The following EYS variants were observed in gnomAD, a reference collection of about 807,000 sequenced individuals.
EYS encodes protein eyes shut homolog.
Under a neutral mutation model 282.1 loss-of-function variants are expected in EYS, and 250 were observed. That is an observed-to-expected ratio of 0.89 (90% confidence interval 0.80 to 0.98). The LOEUF is 0.98. Among genes scored for constraint, EYS ranks in the 50% least tolerant of loss-of-function variants. The pLI, the probability that EYS is intolerant of heterozygous loss-of-function variation, is 0.00. For missense variants in EYS, 4,016 were observed against 3,709.0 expected (o/e 1.08, Z -2.15); for synonymous variants, 1,355 against 1,282.9 (o/e 1.06, Z -1.20).
chr6:64,084,465 A>T (rs1772080012), intron 31 of EYS, among the ~76,000 whole-genome samples: 1 of 152,212 alleles, frequency 6.6e-6, no homozygotes, highest in African/African-American at 2.4e-5. Flanking sequence ...GTGAGAGAGA[A>T]CACAGGCTGT....
At chr6:64,389,795 C>T (rs968947579) in intron 28 of EYS, among the ~76,000 whole-genome samples, 2 of 152,144 alleles carry the variant, frequency 1.3e-5, no homozygotes, top group Non-Finnish European at 2.9e-5. Context: ...GGAACAGCTC[C>T]GGTCTACAGC....
In EYS at chr6:64,628,111, C is replaced by CAAAG. The variant is rs796460171; in HGVS notation, c.3444-1870_3444-1867dup. Among the ~76,000 whole-genome samples the CAAAG allele has an allele frequency of 2.5e-3, 382 of 151,432 alleles. 3 individuals carry two copies. The highest frequency in any genetic ancestry group is 0.015 in the South Asian group (71 of 4,784). On this transcript the variant is annotated intron_variant, in intron 22 of 42. Transcript: ENST00000503581. The stretch of plus-strand genomic sequence containing the variant: ...AAAAACAAACAAACAAACAAACAAA[C>CAAAG]AAAGACTTGTTTTAACTGTGTGTGG...
chr6:64,743,914 G>A (rs1262248453), intron 22 of EYS, among the ~76,000 whole-genome samples: 2 of 152,024 alleles, frequency 1.3e-5, no homozygotes, highest in African/African-American at 4.8e-5. Flanking sequence ...AAACTTTAGT[G>A]ATTGTTACAT....
At chr6:64,960,474 T>A (rs567346663) in intron 14 of EYS, among the ~76,000 whole-genome samples, 121 of 151,872 alleles carry the variant, frequency 8.0e-4, no homozygotes, top group African/African-American at 2.8e-3. Flanking sequence ...TATAACTTTG[T>A]TTTTTCCAAT....
intron 22 of EYS, among the ~76,000 whole-genome samples, chr6:64,731,899 A>T (rs116602714): frequency 0.026 from 3,894 of 152,304 alleles, 162 homozygotes; most frequent in African/African-American, 0.086. Flanking sequence ...TAGCAAATAT[A>T]TGGAACCAAA....
At chr6:64,668,775 G>T (rs1341425862) in intron 22 of EYS, among the ~76,000 whole-genome samples, 1 of 151,214 alleles carries the variant, frequency 6.6e-6, no homozygotes, top group Non-Finnish European at 1.5e-5. Context: ...CAGCATGTTG[G>T]CCAGGATGGT....
chr6:63,969,668 T>C (rs1489216401), intron 35 of EYS, among the ~76,000 whole-genome samples: 2 of 152,200 alleles, frequency 1.3e-5, no homozygotes, highest in Non-Finnish European at 2.9e-5. Context: ...ATATTTGCAG[T>C]GGCCAATCCA....
At chr6:64,201,714 T>C (rs1765463786) in intron 31 of EYS, among the ~76,000 whole-genome samples, 1 of 152,216 alleles carries the variant, frequency 6.6e-6, no homozygotes, top group African/African-American at 2.4e-5. Flanking sequence ...AAAAGGTTTT[T>C]AAAGTATTTT....
At chr6:64,233,394 A>C (rs1212231939) in intron 30 of EYS, among the ~76,000 whole-genome samples, 1 of 152,170 alleles carries the variant, frequency 6.6e-6, no homozygotes, top group African/African-American at 2.4e-5. Context: ...GAATGAAATA[A>C]AATGTATTCA....
At chr6:63,827,653 G>A (rs1771507736) in intron 36 of EYS, among the ~76,000 whole-genome samples, 2 of 151,906 alleles carry the variant, frequency 1.3e-5, no homozygotes, top group Admixed American at 6.6e-5. Context: ...GACCATCCTG[G>A]CTAACAAGGT....
In EYS at chr6:64,812,773, G is replaced by A. The variant is rs527490089; in HGVS notation, c.3443+605C>T. On this transcript the variant is annotated intron_variant, in intron 22 of 42. Coordinates refer to ENST00000503581, the MANE Select transcript of EYS (RefSeq NM_001142800.2). ...TGTATATTTTTTAATACCTGGGTTCGGTTATTATTTTAAAGTTGAACAGAT... is the reference window on the plus strand; with the variant it reads ...TGTATATTTTTTAATACCTGGGTTCAGTTATTATTTTAAAGTTGAACAGAT... Among the ~76,000 whole-genome samples the A allele has an allele frequency of 9.2e-4, 110 of 120,176 alleles. No homozygotes were observed. In the Middle Eastern group the frequency reaches 0.014, roughly 15 times the overall value. The allele number at this position is 120,176 out of a possible 152,430, so 78.8% of individuals were successfully genotyped here. A position where few individuals can be genotyped will look rare whatever the true frequency, so the allele number is the denominator to read the frequency against.
intron 2 of EYS, among the ~76,000 whole-genome samples, chr6:65,606,085 G>T (rs181713441): frequency 6.6e-6 from 1 of 151,298 alleles, no homozygotes. Flanking sequence ...ACCAATAGTC[G>T]CAAATTTTTA....
intron 28 of EYS, among the ~76,000 whole-genome samples, chr6:64,393,390 C>T (rs900046002): frequency 1.3e-5 from 2 of 152,146 alleles, no homozygotes; most frequent in African/African-American, 4.8e-5. Flanking sequence ...CAATAAAATA[C>T]TGGCAAAACG....
At chr6:65,138,113 ATCAATGAAAGATT>A (rs1776074328) in intron 12 of EYS, among the ~76,000 whole-genome samples, 1 of 152,142 alleles carries the variant, frequency 6.6e-6, no homozygotes, top group Non-Finnish European at 1.5e-5. Flanking sequence ...CAGTACCGAT[ATCAATGAAAGATT>A]TCAATGAAAG....
intron 29 of EYS, among the ~76,000 whole-genome samples, chr6:64,374,521 C>T (rs1772502159): frequency 6.6e-6 from 1 of 152,098 alleles, no homozygotes; most frequent in Admixed American, 6.5e-5. Flanking sequence ...TCACCCTTTC[C>T]CATGTTGGAG....
At chr6:64,609,808 G>A (rs909444135) in intron 24 of EYS, among the ~76,000 whole-genome samples, 16 of 151,952 alleles carry the variant, frequency 1.1e-4, no homozygotes, top group Non-Finnish European at 2.2e-4. Context: ...AACCATCTGA[G>A]CCCAGAAGTT....
At chr6:65,505,735 T>C (rs1323477099) in intron 2 of EYS, among the ~76,000 whole-genome samples, 1 of 152,168 alleles carries the variant, frequency 6.6e-6, no homozygotes, top group Non-Finnish European at 1.5e-5. Context: ...CCTACTTTTA[T>C]TCCACGTGGC....
chr6:64,707,387 G>A (rs1345167161), intron 22 of EYS, among the ~76,000 whole-genome samples: 4 of 151,904 alleles, frequency 2.6e-5, no homozygotes, highest in African/African-American at 4.8e-5. Context: ...TACATATTGG[G>A]GGCCAGGCAT....
chr6:64,700,951 T>C, intron 22 of EYS, among the ~76,000 whole-genome samples: 1 of 151,994 alleles, frequency 6.6e-6, no homozygotes. Context: ...GGAGACATCA[T>C]ATTAGTTGAC....
Sources: gnomAD v4.1 joint callset for allele counts (sites outside exome capture counted in the v4.1 genomes callset) on GRCh38, gnomAD v4.1.1 for gene constraint, MANE v1.5 for transcripts, NCBI Gene and HGNC (gene_info 2026-07-23, HGNC 2026-07-21) for gene names.